MBTPS1: variants seen among roughly 807,000 people sequenced by gnomAD.
The protein encoded by MBTPS1 is membrane bound transcription factor peptidase, site 1.
In MBTPS1, 94 loss-of-function variants were observed where a neutral mutation model predicts 127.8. That is an observed-to-expected ratio of 0.74 (90% CI 0.62 to 0.87). The LOEUF is 0.87. Among genes scored for constraint, MBTPS1 ranks in the 40% least tolerant of loss-of-function variants. The pLI is 0.00. For synonymous variants in MBTPS1, 632 were observed against 509.4 expected (o/e 1.24, Z -3.24); for missense variants, 1,636 against 1,353.2 (o/e 1.21, Z -3.28).
At chr16:84,081,619 C>T (rs1316263688) in intron 11 of MBTPS1, 128 bp downstream of exon 11, 11 of 735,390 alleles carry the variant, frequency 1.5e-5, no homozygotes, top group Non-Finnish European at 2.1e-5. Flanking sequence ...AAAACCTCTC[C>T]AAGCACCCCG....
At chr16:84,109,654 G>C (rs1413280446) in intron 1 of MBTPS1, 1 of 152,162 alleles carries the variant, frequency 6.6e-6, no homozygotes, top group African/African-American at 2.4e-5. Flanking sequence ...AACTGGCCTA[G>C]AATTTTCCTA....
At chr16:84,060,563 C>G in intron 20 of MBTPS1, 119 bp downstream of exon 20, 1 of 1,199,642 alleles carries the variant, frequency 8.3e-7, no homozygotes, top group Non-Finnish European at 1.2e-6. Flanking sequence ...ATTACGAAAA[C>G]CACTCAGCGG....
rs539935543 is a variant in MBTPS1, at chr16:84,078,313, C to G, written c.1448+3434G>C. Among the ~76,000 whole-genome samples the G allele has an allele frequency of 6.7e-5, 10 of 148,612 alleles. No individual in the cohort carries two copies. The South Asian group carries it at 2.2e-3, about 33-fold the overall frequency. ...AGCAGTGCCACCTTACCTAACAGAG[C>G]TACCCGATGCTCTCAACCCAGACCA... On this transcript the variant is annotated intron_variant, in intron 11 of 22. Transcript: ENST00000343411.
At chr16:84,077,030 A>T (rs969549896) in intron 11 of MBTPS1, among the ~76,000 whole-genome samples, 11 of 152,172 alleles carry the variant, frequency 7.2e-5, no homozygotes, top group Admixed American at 3.9e-4. Flanking sequence ...GTTGAAGACC[A>T]GCCTGGGCAA....
At chr16:84,087,204 G>A (rs1384434313) in intron 9 of MBTPS1, among the ~76,000 whole-genome samples, 154 bp downstream of exon 9, 4 of 152,172 alleles carry the variant, frequency 2.6e-5, no homozygotes, top group African/African-American at 4.8e-5. Flanking sequence ...TCGTCCTCAC[G>A]GCTGGGCAGG....
chr16:84,104,382 T>C (rs1172965284), intron 1 of MBTPS1, among the ~76,000 whole-genome samples: 2 of 152,010 alleles, frequency 1.3e-5, no homozygotes, highest in African/African-American at 4.8e-5. Context: ...CTCAGGAAGA[T>C]TGCTTTAGCC....
chr16:84,059,225 T>C (rs1567470515), intron 21 of MBTPS1, 77 bp downstream of exon 21: 3 of 1,530,488 alleles, frequency 2.0e-6, no homozygotes, highest in Non-Finnish European at 2.7e-6. Context: ...GTCAGTAAAA[T>C]TCCATTCTCT....
At chr16:84,058,963 A>AG (rs1488633231) in intron 21 of MBTPS1, among the ~76,000 whole-genome samples, 1 of 152,214 alleles carries the variant, frequency 6.6e-6, no homozygotes, top group Non-Finnish European at 1.5e-5. Flanking sequence ...AATGTCTGAA[A>AG]CAGGGAACAC....
chr16:84,067,103 T>G (rs923974961), intron 16 of MBTPS1, among the ~76,000 whole-genome samples: 2 of 152,156 alleles, frequency 1.3e-5, no homozygotes, highest in Non-Finnish European at 1.5e-5. Context: ...TATTTAAATA[T>G]ACAATAATTT....
At position 84,110,722 on chromosome 16, in the gene MBTPS1, C is replaced by T. The variant is rs989316576; in HGVS notation, c.-325+6013G>A. On this transcript the variant is annotated intron_variant, in intron 1 of 22. Coordinates refer to ENST00000343411, the MANE Select transcript of MBTPS1 (RefSeq NM_003791.4). ...TAGCTAAGCAACTTGCCTGGGGCCA[C>T]AACACCAGCAAGTAGAACAGCTGGG... The T allele has an allele frequency of 3.1e-4, 47 of 152,322 alleles. 1 individual carries two copies. Among genetic ancestry groups the T allele is most frequent in the Middle Eastern group, 3.4e-3 (1 of 294 alleles). The allele number at this position is 152,322 out of a possible 1,614,324, so 9.4% of individuals were successfully genotyped here. A position where few individuals can be genotyped will look rare whatever the true frequency, so the allele number is the denominator to read the frequency against.
In MBTPS1 at chr16:84,069,991, C is replaced by T; in HGVS notation, c.1830G>A (p.Lys610=). The change falls in exon 14 of 23, where the codon AAG becomes AAA. Residue 610 remains lysine, a synonymous_variant. Coordinates refer to ENST00000343411, the MANE Select transcript of MBTPS1 (RefSeq NM_003791.4). The stretch of plus-strand genomic sequence containing the variant: ...GCGGGGGAGTAGGAATTATCTTCAC[C>T]TTAATGGGGAGCTTTACTGTTGAAG... ...EQTSTVKLPI[K]VKIIPTPPRS... is the part of the protein sequence containing the mutation. The T allele has an allele frequency of 1.2e-6, 2 of 1,614,014 alleles. No individual in the cohort carries two copies. The highest frequency in any genetic ancestry group is 1.1e-5 in the South Asian group (1 of 91,062).
At chr16:84,085,578 C>A (rs1341698832) in intron 9 of MBTPS1, among the ~76,000 whole-genome samples, 6 of 101,456 alleles carry the variant, frequency 5.9e-5, no homozygotes, top group African/African-American at 1.3e-4. Flanking sequence ...CCCGCCCCCC[C>A]CCCAAAAAAA....
At chr16:84,112,279 G>C (rs1369864279) in intron 1 of MBTPS1, among the ~76,000 whole-genome samples, 1 of 152,176 alleles carries the variant, frequency 6.6e-6, no homozygotes, top group African/African-American at 2.4e-5. Flanking sequence ...TCAATTGTAT[G>C]ATTACAGATA....
At chr16:84,067,090 C>G (rs552367524) in intron 16 of MBTPS1, among the ~76,000 whole-genome samples, 1 of 152,042 alleles carries the variant, frequency 6.6e-6, no homozygotes, top group African/African-American at 2.4e-5. Flanking sequence ...TGTAAATATA[C>G]AATATTTAAA....
intron 11 of MBTPS1, among the ~76,000 whole-genome samples, chr16:84,076,376 T>C (rs1317177444): frequency 1.3e-5 from 2 of 152,268 alleles, no homozygotes; most frequent in East Asian, 3.9e-4. Flanking sequence ...CCATTAAGAT[T>C]AGGAACAACG....
At chr16:84,112,974 CAAA>C (rs71382895) in intron 1 of MBTPS1, among the ~76,000 whole-genome samples, 2 of 56,896 alleles carry the variant, frequency 3.5e-5, no homozygotes, top group Non-Finnish European at 3.6e-5. Context: ...GATGCCATCT[CAAA>C]AAAAAAAAAA....
chr16:84,099,555 G>A lies in MBTPS1; in HGVS notation c.164-245C>T, dbSNP rs541068838. ...AATCCCAGCACTTTGGGAGGCTGAC[G>A]TGGGCAGATTACGAGGTGAGGAGTT... On this transcript the variant is annotated intron_variant, in intron 2 of 22. Coordinates refer to ENST00000343411, the MANE Select transcript of MBTPS1 (RefSeq NM_003791.4). 5.9e-5 allele frequency among the ~76,000 whole-genome samples: 9 copies of A among 152,284 alleles called. No homozygotes were observed. The South Asian group carries it at 1.2e-3, about 21-fold the overall frequency.
chr16:84,059,842 T>C (rs71404144), intron 20 of MBTPS1: 3 of 95,546 alleles, frequency 3.1e-5, no homozygotes, highest in African/African-American at 8.8e-5. Context: ...TCAAAATTCT[T>C]TCTATTTCTT....
At position 84,067,764 on chromosome 16, in the gene MBTPS1, G is replaced by A. The variant is rs200208765; in HGVS notation, c.2131C>T (p.Arg711Trp). The A allele has an allele frequency of 3.4e-5, 55 of 1,613,978 alleles. No individual in the cohort carries two copies. The highest frequency in any genetic ancestry group is 1.6e-4 in the Middle Eastern group (1 of 6,062). Residue 711 changes from arginine (R) to tryptophan (W), a missense_variant, in exon 16 of 23, where the codon CGG becomes TGG. Physicochemically the swap from Arg to Trp is moderately radical, Grantham distance 101. Transcript: ENST00000343411. ...GAGAGGCCGTTGTCCACGTCCCTCC[G>A]GAGCTTGGCGATCTCTTCAGGGAAG... ...EYFPEEIAKL[R>W]RDVDNGLSLV...
Sources: allele counts gnomAD v4.1 joint callset (sites outside exome capture counted in the v4.1 genomes callset), GRCh38; gene constraint gnomAD v4.1.1; transcripts MANE v1.5; gene names NCBI Gene and HGNC (gene_info 2026-07-23, HGNC 2026-07-21).